The following SCGN variants were observed in gnomAD, a reference collection of about 807,000 sequenced individuals.
SCGN encodes the protein secretagogin, EF-hand calcium binding protein, also known as secretagogin.
A neutral mutation model predicts 39.7 loss-of-function variants in SCGN; 30 were observed. The observed-to-expected ratio is 0.76, with a 90% CI of 0.57 to 1.03. The LOEUF is 1.03. Ranked by LOEUF, SCGN falls within the 50% of genes least tolerant of loss-of-function variation. SCGN has a pLI of 0.00. For missense variants in SCGN, 353 were observed against 349.4 expected (o/e 1.01, Z -0.08); for synonymous variants, 106 against 114.1 (o/e 0.93, Z 0.45).
chr6:25,673,256 C>T (rs868457973), intron 6 of SCGN, among the ~76,000 whole-genome samples: 1 of 152,136 alleles, frequency 6.6e-6, no homozygotes, highest in Non-Finnish European at 1.5e-5. Flanking sequence ...TTTGTACAGA[C>T]CTAATCTTCC....
intron 6 of SCGN, among the ~76,000 whole-genome samples, chr6:25,675,404 G>A (rs899196599): frequency 3.3e-5 from 5 of 152,226 alleles, no homozygotes; most frequent in Non-Finnish European, 5.9e-5. Flanking sequence ...GCTTGGCAAC[G>A]GTTATGTGCA....
At chr6:25,659,186 G>A (rs933533474) in intron 2 of SCGN, among the ~76,000 whole-genome samples, 12 of 152,146 alleles carry the variant, frequency 7.9e-5, no homozygotes, top group Non-Finnish European at 1.8e-4. Flanking sequence ...CTAAGAATAT[G>A]CTTTCAAACC....
At chr6:25,665,326 G>T (rs540594948) in intron 4 of SCGN, among the ~76,000 whole-genome samples, 1 of 152,066 alleles carries the variant, frequency 6.6e-6, no homozygotes, top group African/African-American at 2.4e-5. Flanking sequence ...GAGGGGAGGT[G>T]GGGGACTATG....
chr6:25,693,178 G>A (rs766341927), intron 10 of SCGN, among the ~76,000 whole-genome samples: 1 of 152,140 alleles, frequency 6.6e-6, no homozygotes, highest in South Asian at 2.1e-4. Flanking sequence ...GCGGCCGGGC[G>A]CGGTGGCTCA....
rs377241698 is a variant in SCGN, at chr6:25,688,816, G to A, written c.528-356G>A. ...GATTCTGTCTCAAAAAAAAAAAAAA[G>A]ATTTTTTTCAGAATAAACACTCCCC... is the stretch of plus-strand genomic sequence containing the variant. On this transcript the variant is annotated intron_variant, in intron 7 of 10. Coordinates refer to ENST00000377961, the MANE Select transcript of SCGN (RefSeq NM_006998.4). Among the ~76,000 whole-genome samples the A allele has an allele frequency of 2.7e-3, 271 of 101,070 alleles. 2 individuals are homozygous for A. Among genetic ancestry groups the A allele is most frequent in the East Asian group, 4.6e-3 (10 of 2,182 alleles). The allele number at this position is 101,070 out of a possible 152,430, so 66.3% of individuals were successfully genotyped here.
intron 2 of SCGN, among the ~76,000 whole-genome samples, chr6:25,656,002 G>A (rs2151376488): frequency 6.6e-6 from 1 of 152,338 alleles, no homozygotes; most frequent in East Asian, 1.9e-4. Flanking sequence ...TCTGGGGAGT[G>A]TGTTTGCAGG....
chr6:25,690,977 G>A (rs940705036), intron 9 of SCGN, 79 bp from the exon 10 acceptor site: 6 of 1,075,392 alleles, frequency 5.6e-6, no homozygotes, highest in South Asian at 1.3e-5. Flanking sequence ...ATACTGATAC[G>A]GTTTATTTAC....
chr6:25,654,261 G>A (rs1247068543), intron 2 of SCGN, among the ~76,000 whole-genome samples: 3 of 152,196 alleles, frequency 2.0e-5, no homozygotes, highest in Non-Finnish European at 4.4e-5. Context: ...ACATTCTCAT[G>A]TGAGAGCTCA....
chr6:25,666,280 C>T (rs1047016607), intron 4 of SCGN, among the ~76,000 whole-genome samples: 1 of 151,724 alleles, frequency 6.6e-6, no homozygotes, highest in African/African-American at 2.4e-5. Flanking sequence ...CACTTGAACC[C>T]AGGAGGCGGA....
At chr6:25,687,111 T>C (rs1759715180) in intron 7 of SCGN, among the ~76,000 whole-genome samples, 1 of 152,152 alleles carries the variant, frequency 6.6e-6, no homozygotes, top group Non-Finnish European at 1.5e-5. Context: ...AATTTTGAAA[T>C]AAAAAATGTG....
chr6:25,652,325 C>A lies in SCGN; in HGVS notation c.-79C>A. The A allele has an allele frequency of 2.7e-6, 3 of 1,102,502 alleles. No homozygotes were observed. The highest frequency in any genetic ancestry group is 2.6e-5 in the South Asian group (2 of 78,398). 68.3% of individuals were successfully genotyped at this position (1,102,502 alleles called of 1,614,324 possible). A position where few individuals can be genotyped will look rare whatever the true frequency, so the allele number is the denominator to read the frequency against. ...TAGCGAAAGAAGCAGGAGAGCAAGT[C>A]AAGAAATACGGTGAAGGAGTCCTTC... On this transcript the variant is annotated 5_prime_UTR_variant, in exon 1 of 11. Coordinates refer to ENST00000377961, the MANE Select transcript of SCGN (RefSeq NM_006998.4).
At position 25,689,754 on chromosome 6, in the gene SCGN, T is replaced by C. The variant is rs184437219; in HGVS notation, c.633+222T>C. 8.0e-5 allele frequency among the ~76,000 whole-genome samples: 12 copies of C among 150,234 alleles called. No individual in the cohort carries two copies. The East Asian group carries it at 1.6e-3, about 19-fold the overall frequency. ...TGGTTGAGAAGAGAAAAAAATGACT[T>C]TTTTTTTTGACTCCTTGGGCCTAAA... On this transcript the variant is annotated intron_variant, in intron 9 of 10. Transcript: ENST00000377961.
At chr6:25,676,496 A>T (rs1042395922) in intron 6 of SCGN, among the ~76,000 whole-genome samples, 2 of 152,190 alleles carry the variant, frequency 1.3e-5, no homozygotes, top group Non-Finnish European at 2.9e-5. Flanking sequence ...ACATGCATGT[A>T]TGTGCTGCCA....
At chr6:25,672,460 G>C (rs766515315) in intron 6 of SCGN, among the ~76,000 whole-genome samples, 2 of 152,220 alleles carry the variant, frequency 1.3e-5, no homozygotes, top group Non-Finnish European at 2.9e-5. Flanking sequence ...CTGGGAAGAA[G>C]GGGTACTTTT....
chr6:25,684,384 ATG>A (rs1759677358), intron 7 of SCGN, among the ~76,000 whole-genome samples: 1 of 152,170 alleles, frequency 6.6e-6, no homozygotes, highest in Non-Finnish European at 1.5e-5. Flanking sequence ...AAATCCTCGG[ATG>A]TTCAAGTCCC....
At chr6:25,700,744 A>T (rs1342761260) in intron 10 of SCGN, among the ~76,000 whole-genome samples, 1 of 152,204 alleles carries the variant, frequency 6.6e-6, no homozygotes. Context: ...CCCTTGGAGT[A>T]AATATTACAT....
rs75196748 is a variant in SCGN, at chr6:25,694,130, C to T, written c.702+3006C>T. Among the ~76,000 whole-genome samples, 1,013 of 152,292 alleles carry T rather than the reference C, an allele frequency of 6.7e-3. 11 individuals carry two copies. Among genetic ancestry groups the T allele is most frequent in the African/African-American group, 0.022 (926 of 41,554 alleles). ...CTCTCATAACTTTAGTGACTATGAT[C>T]ATTGCTATTTCCATATGATTTTTGT... On this transcript the variant is annotated intron_variant, in intron 10 of 10. Coordinates refer to ENST00000377961, the MANE Select transcript of SCGN (RefSeq NM_006998.4).
At chr6:25,692,124 A>G (rs924843892) in intron 10 of SCGN, among the ~76,000 whole-genome samples, 2 of 152,036 alleles carry the variant, frequency 1.3e-5, no homozygotes, top group East Asian at 3.9e-4. Flanking sequence ...CTCCTGTTGG[A>G]GATTTCACGG....
intron 9 of SCGN, among the ~76,000 whole-genome samples, chr6:25,690,104 T>G (rs367736101): frequency 6.6e-6 from 1 of 152,132 alleles, no homozygotes; most frequent in East Asian, 1.9e-4. Context: ...ACTAGATAAT[T>G]ATGTGTCATG....
Sources: gnomAD v4.1 joint callset for allele counts (sites outside exome capture counted in the v4.1 genomes callset) on GRCh38, gnomAD v4.1.1 for gene constraint, MANE v1.5 for transcripts, NCBI Gene and HGNC (gene_info 2026-07-23, HGNC 2026-07-21) for gene names.